LRP1B: variants seen among roughly 807,000 people sequenced by gnomAD.
LRP1B encodes low-density lipoprotein receptor-related protein 1B.
LRP1B carries 217 observed loss-of-function variants against 556.6 expected under a neutral mutation model. The ratio of observed to expected loss-of-function variants is 0.39; its 90% confidence interval spans 0.35 to 0.44. LRP1B has a LOEUF of 0.44. LRP1B is among the 20% of genes least tolerant of loss of function. LRP1B has a pLI of 1.00. For synonymous variants in LRP1B, 2,047 were observed against 1,865.8 expected (o/e 1.10, Z -2.50); for missense variants, 5,053 against 5,620.8 (o/e 0.90, Z 3.23).
chr2:141,404,105 A>G (rs1690542520), intron 3 of LRP1B, among the ~76,000 whole-genome samples: 2 of 152,204 alleles, frequency 1.3e-5, no homozygotes, highest in South Asian at 4.1e-4. Context: ...TAAAAAGTTA[A>G]GATAAAAATA....
At chr2:140,872,706 T>G (rs1036680456) in intron 25 of LRP1B, among the ~76,000 whole-genome samples, 1 of 152,014 alleles carries the variant, frequency 6.6e-6, no homozygotes, top group African/African-American at 2.4e-5. Context: ...CCACCAGACT[T>G]TTTCTCTCTG....
At chr2:142,025,620 C>T (rs1265879015) in intron 1 of LRP1B, among the ~76,000 whole-genome samples, 1 of 151,996 alleles carries the variant, frequency 6.6e-6, no homozygotes, top group African/African-American at 2.4e-5. Flanking sequence ...AAGCTTTATC[C>T]AAGATGGGTC....
rs1446855916 is a variant in LRP1B, at chr2:140,234,019, C to T, written c.13660-693G>A. Among the ~76,000 whole-genome samples, 3 of 151,420 alleles carry T rather than the reference C, an allele frequency of 2.0e-5. No individual in the cohort carries two copies. The East Asian group carries it at 5.9e-4, about 30-fold the overall frequency. On this transcript the variant is annotated intron_variant, in intron 90 of 90. Coordinates refer to ENST00000389484, the MANE Select transcript of LRP1B (RefSeq NM_018557.3). ...TATACATACAATGTTCACTATTTAA[C>T]AAATTGCAGTTTATCCCAAGAAAAT...
At chr2:140,240,622 T>C (rs1234726766) in intron 87 of LRP1B, among the ~76,000 whole-genome samples, 1 of 150,898 alleles carries the variant, frequency 6.6e-6, no homozygotes, top group African/African-American at 2.4e-5. Flanking sequence ...GAAAAATATC[T>C]AGTACACATG....
intron 41 of LRP1B, among the ~76,000 whole-genome samples, chr2:140,623,802 C>T (rs145456104): frequency 0.042 from 6,373 of 151,748 alleles, 179 homozygotes; most frequent in Middle Eastern, 0.082. Context: ...GCCTGTAATT[C>T]CAGCTACTCT....
chr2:141,797,146 C>CAT (rs6146945), intron 2 of LRP1B, among the ~76,000 whole-genome samples: 7,976 of 77,432 alleles, frequency 0.1, 595 homozygotes, highest in Non-Finnish European at 0.13. Flanking sequence ...TGAAAATAAT[C>CAT]ATATATATAT....
At chr2:140,508,984 G>A (rs1326115802) in intron 52 of LRP1B, among the ~76,000 whole-genome samples, 1 of 151,868 alleles carries the variant, frequency 6.6e-6, no homozygotes, top group African/African-American at 2.4e-5. Flanking sequence ...ACAATAGTAT[G>A]AGTTCTGTGC....
intron 3 of LRP1B, among the ~76,000 whole-genome samples, chr2:141,387,684 C>T (rs1689881053): frequency 6.6e-6 from 1 of 152,032 alleles, no homozygotes; most frequent in Non-Finnish European, 1.5e-5. Flanking sequence ...AATCTGCCAA[C>T]ATTGAAAAGG....
At chr2:140,815,761 TG>T (rs1449339865) in intron 31 of LRP1B, among the ~76,000 whole-genome samples, 3 of 152,084 alleles carry the variant, frequency 2.0e-5, no homozygotes, top group African/African-American at 7.2e-5. Flanking sequence ...AGGGAGTATA[TG>T]GGAAGTTTAA....
At chr2:141,210,221 TA>T (rs1682481682) in intron 6 of LRP1B, among the ~76,000 whole-genome samples, 3 of 149,158 alleles carry the variant, frequency 2.0e-5, no homozygotes, top group Admixed American at 1.4e-4. Context: ...GCTACAAGAT[TA>T]AAAACTTACG....
chr2:141,510,234 A>ACACACC (rs767916859), intron 2 of LRP1B, among the ~76,000 whole-genome samples: 125 of 145,374 alleles, frequency 8.6e-4, no homozygotes, highest in Non-Finnish European at 1.2e-3. Flanking sequence ...ACACACACAC[A>ACACACC]CCCCCCACAG....
At chr2:141,973,725 G>A (rs1701807477) in intron 1 of LRP1B, among the ~76,000 whole-genome samples, 1 of 151,718 alleles carries the variant, frequency 6.6e-6, no homozygotes, top group African/African-American at 2.4e-5. Context: ...AGAGAACAAT[G>A]CTTTTATAAA....
At chr2:141,567,702 T>A (rs1375284874) in intron 2 of LRP1B, among the ~76,000 whole-genome samples, 1 of 151,736 alleles carries the variant, frequency 6.6e-6, no homozygotes, top group Non-Finnish European at 1.5e-5. Flanking sequence ...ATGTGGGAAA[T>A]CTGCTTATGA....
intron 41 of LRP1B, among the ~76,000 whole-genome samples, chr2:140,695,256 T>C (rs1686389591): frequency 6.6e-6 from 1 of 152,104 alleles, no homozygotes; most frequent in South Asian, 2.1e-4. Flanking sequence ...TCTTTCATAA[T>C]TCATTTGAGT....
At chr2:141,912,724 C>G (rs979117363) in intron 1 of LRP1B, among the ~76,000 whole-genome samples, 18 of 152,126 alleles carry the variant, frequency 1.2e-4, no homozygotes, top group African/African-American at 3.9e-4. Flanking sequence ...CCTCCCTATA[C>G]TAGAAGGAAA....
At chr2:141,852,988 C>T (rs1372085249) in intron 1 of LRP1B, among the ~76,000 whole-genome samples, 2 of 151,138 alleles carry the variant, frequency 1.3e-5, no homozygotes, top group East Asian at 3.9e-4. Context: ...CAAATATATA[C>T]ATTAAAAAAA....
intron 1 of LRP1B, among the ~76,000 whole-genome samples, chr2:141,886,195 T>C (rs1699104066): frequency 1.3e-5 from 2 of 152,202 alleles, no homozygotes; most frequent in African/African-American, 2.4e-5. Context: ...CATTCATGCC[T>C]GTAATGACAG....
At chr2:142,102,618 C>T (rs1706608671) in intron 1 of LRP1B, among the ~76,000 whole-genome samples, 1 of 151,412 alleles carries the variant, frequency 6.6e-6, no homozygotes, top group African/African-American at 2.4e-5. Context: ...CATAATTTGG[C>T]TACTGAAAAT....
chr2:140,433,947 A>T (rs902959216), intron 66 of LRP1B, among the ~76,000 whole-genome samples: 2 of 152,142 alleles, frequency 1.3e-5, no homozygotes, highest in Non-Finnish European at 2.9e-5. Flanking sequence ...AAGGAAGTGC[A>T]ATCATATGGA....
Sources: allele counts gnomAD v4.1 joint callset (sites outside exome capture counted in the v4.1 genomes callset), GRCh38; gene constraint gnomAD v4.1.1; transcripts MANE v1.5; gene names NCBI Gene and HGNC (gene_info 2026-07-23, HGNC 2026-07-21).